ADGRG2: variants seen among roughly 807,000 people sequenced by gnomAD.
ADGRG2 encodes G protein-coupled receptor 64.
In ADGRG2, 26 loss-of-function variants were observed where a neutral mutation model predicts 74.1. That is an observed-to-expected ratio of 0.35 (90% CI 0.26 to 0.49). The LOEUF is 0.49. Among genes scored for constraint, ADGRG2 ranks in the 20% least tolerant of loss-of-function variants. The probability of loss-of-function intolerance (pLI) is 0.99; values close to 1 mark genes in which losing one functional copy is unlikely to be tolerated. For synonymous variants in ADGRG2, 296 were observed against 295.2 expected (o/e 1.00, Z -0.03); for missense variants, 619 against 763.1 (o/e 0.81, Z 2.22).
At chrX:19,098,688 G>T (rs2062138526) in intron 1 of ADGRG2, among the ~76,000 whole-genome samples, 1 of 110,903 alleles carries the variant, frequency 9.0e-6, no homozygotes, top group Non-Finnish European at 1.9e-5. Context: ...AGGTGGGGGA[G>T]GTAGCAATTT....
intron 3 of ADGRG2, among the ~76,000 whole-genome samples, chrX:19,052,605 C>T (rs2061341936): frequency 9.2e-6 from 1 of 108,150 alleles, no homozygotes; most frequent in Non-Finnish European, 1.9e-5. Context: ...TACATATATA[C>T]ATATGTTTTT....
intron 3 of ADGRG2, among the ~76,000 whole-genome samples, 168 bp from the exon 4 acceptor site, chrX:19,040,392 C>T (rs1370682733): frequency 2.7e-5 from 3 of 111,688 alleles, no homozygotes; most frequent in African/African-American, 9.8e-5. Flanking sequence ...ATTTCACTAT[C>T]CATATGTACT....
intron 3 of ADGRG2, among the ~76,000 whole-genome samples, chrX:19,048,822 A>G (rs1002803606): frequency 4.5e-5 from 5 of 112,040 alleles, no homozygotes; most frequent in Non-Finnish European, 7.5e-5. Flanking sequence ...GATTGGTGTA[A>G]CTTCCGAAGG....
At chrX:19,033,409 T>G (rs2060868752) in intron 8 of ADGRG2, 1 of 324,969 alleles carries the variant, frequency 3.1e-6, no homozygotes, top group Non-Finnish European at 5.5e-6. Flanking sequence ...TTCTTGAGGG[T>G]AGGCTCTGTG....
intron 1 of ADGRG2, among the ~76,000 whole-genome samples, chrX:19,104,916 C>CAAAAA (rs1001242331): frequency 4.3e-5 from 1 of 23,368 alleles, no homozygotes; most frequent in Non-Finnish European, 8.3e-5. Context: ...GACTCTGTCT[C>CAAAAA]AAAAAAAAAA....
chrX:19,046,146 G>GT (rs2061184478), intron 3 of ADGRG2, among the ~76,000 whole-genome samples: 1 of 112,566 alleles, frequency 8.9e-6, no homozygotes, highest in South Asian at 3.7e-4. Context: ...CTACAGAGGT[G>GT]TGGCACCATG....
intron 23 of ADGRG2, 107 bp from the exon 24 acceptor site, chrX:19,003,221 G>A (rs910411943): frequency 5.4e-6 from 3 of 552,461 alleles, no homozygotes; most frequent in African/African-American, 4.6e-5. Flanking sequence ...CTGGAGTGCA[G>A]TAGCGTGATC....
At chrX:19,047,783 G>C (rs904919411) in intron 3 of ADGRG2, among the ~76,000 whole-genome samples, 1 of 111,033 alleles carries the variant, frequency 9.0e-6, no homozygotes, top group Non-Finnish European at 1.9e-5. Context: ...TAAGGGCTTG[G>C]GATAACAGAC....
At chrX:19,014,173 C>T (rs2060418014) in intron 15 of ADGRG2, 99 bp from the exon 16 acceptor site, 3 of 655,981 alleles carry the variant, frequency 4.6e-6, no homozygotes, top group East Asian at 3.6e-5. Context: ...GTCAAGTTGA[C>T]GTAGTTACAT....
chrX:18,995,035 A>G lies in ADGRG2; in HGVS notation c.2730T>C (p.Thr910=), dbSNP rs1271373198. 10 of 1,198,058 alleles carry G rather than the reference A, an allele frequency of 8.3e-6. No individual in the cohort carries two copies. Among genetic ancestry groups the G allele is most frequent in the Non-Finnish European group, 1.1e-5 (10 of 886,917 alleles). Residue 910 remains threonine, a synonymous_variant, in exon 28 of 29, where the codon ACT becomes ACC. Coordinates refer to ENST00000379869, the MANE Select transcript of ADGRG2 (RefSeq NM_001079858.3). ...TCTGCTTCTTTAAACCATTAGTAGC[A>G]GTTTTACTCCAGTCTACAGCAGAAT... ...RLAENSDWSK[T]ATNGLKKQTV...
intron 3 of ADGRG2, among the ~76,000 whole-genome samples, chrX:19,044,276 A>C (rs1336882956): frequency 9.0e-6 from 1 of 111,183 alleles, no homozygotes; most frequent in Non-Finnish European, 1.9e-5. Context: ...GAAGCCCCCC[A>C]CATTTCTTGG....
chrX:19,068,255 G>C (rs1353488156), intron 3 of ADGRG2, among the ~76,000 whole-genome samples: 2 of 112,066 alleles, frequency 1.8e-5, no homozygotes, highest in African/African-American at 6.5e-5. Flanking sequence ...AGACAAAATG[G>C]GTCAATGCAT....
chrX:19,116,846 A>T (rs2062525470), intron 1 of ADGRG2, among the ~76,000 whole-genome samples: 1 of 112,360 alleles, frequency 8.9e-6, no homozygotes, highest in Non-Finnish European at 1.9e-5. Context: ...AAGGGTAGTC[A>T]AATCAATTTG....
intron 28 of ADGRG2, among the ~76,000 whole-genome samples, chrX:18,991,808 T>C (rs191994765): frequency 3.6e-5 from 4 of 111,958 alleles, no homozygotes; most frequent in East Asian, 2.8e-4. Flanking sequence ...TGGGAGACTA[T>C]ACACAAAGCT....
At chrX:19,005,120 A>G (rs1297824863) in intron 22 of ADGRG2, among the ~76,000 whole-genome samples, 1 of 111,715 alleles carries the variant, frequency 9.0e-6, no homozygotes, top group African/African-American at 3.3e-5. Context: ...GGTCTGGCAC[A>G]CTCCAAAGCC....
intron 12 of ADGRG2, 80 bp downstream of exon 12, chrX:19,023,829 T>G: frequency 1.5e-6 from 1 of 672,782 alleles, no homozygotes; most frequent in Non-Finnish European, 2.4e-6. Flanking sequence ...AATACATATC[T>G]CCCAGGAATG....
rs1437599086 is a variant in ADGRG2 at position 19,009,664 on chromosome X, T to C, written c.1384A>G (p.Thr462Ala). ...VIRVNASSFN[T>A]TTFVAQDPAN... ...GGGTCTTGGGCCACAAAGGTAGTTG[T>C]GTTGAAACTACTGGCATTCACTCTG... Residue 462 changes from threonine to alanine, a missense_variant, in exon 18 of 29, where the codon ACA (threonine) becomes GCA (alanine). By Grantham distance (58) the Thr-to-Ala change is moderately conservative. Around this residue, in one of 3 missense-constraint regions of ADGRG2, gnomAD observed 221 missense variants for 340.6 expected, o/e 0.65. Transcript: ENST00000379869. 1.7e-6 allele frequency: 2 copies of C among 1,206,252 alleles called. No homozygotes were observed. The highest frequency in any genetic ancestry group is 4.3e-5 in the Admixed American group (2 of 46,034).
At chrX:19,112,650 T>TAAA (rs762788075) in intron 1 of ADGRG2, among the ~76,000 whole-genome samples, 27 of 86,260 alleles carry the variant, frequency 3.1e-4, no homozygotes, top group African/African-American at 1.2e-3. Flanking sequence ...AATGTTCTAT[T>TAAA]AAAAAAAAAA....
At chrX:19,074,331 G>A (rs1602060265) in intron 2 of ADGRG2, among the ~76,000 whole-genome samples, 4 of 68,543 alleles carry the variant, frequency 5.8e-5, no homozygotes, top group Admixed American at 5.2e-4. Flanking sequence ...CCTCAACCTC[G>A]TGGGCTCAAT....
Sources: gnomAD v4.1 joint callset for allele counts (sites outside exome capture counted in the v4.1 genomes callset) on GRCh38, gnomAD v4.1.1 for gene constraint, gnomAD v4.1.1 regional missense constraint, MANE v1.5 for transcripts, NCBI Gene and HGNC (gene_info 2026-07-23, HGNC 2026-07-21) for gene names.